Variants in HAUS1 observed in about 807,000 individuals in gnomAD.
The protein encoded by HAUS1 is HAUS augmin-like complex subunit 1.
HAUS1 carries 25 observed loss-of-function variants against 38.6 expected under a neutral mutation model. The observed-to-expected ratio is 0.65, with a 90% CI of 0.47 to 0.91. The LOEUF (loss-of-function observed/expected upper bound fraction) is 0.91. Among genes scored for constraint, HAUS1 ranks in the 40% least tolerant of loss-of-function variants. The probability of loss-of-function intolerance (pLI) is 0.00; values close to 1 mark genes in which losing one functional copy is unlikely to be tolerated. For synonymous variants in HAUS1, 109 were observed against 112.9 expected (o/e 0.97, Z 0.22); for missense variants, 325 against 328.4 (o/e 0.99, Z 0.08).
At position 46,128,196 on chromosome 18, in the gene HAUS1, C is replaced by G; in HGVS notation, c.*71C>G. 2.3e-6 allele frequency: 2 copies of G among 872,456 alleles called. No individual in the cohort carries two copies. Among genetic ancestry groups the G allele is most frequent in the Middle Eastern group, 3.7e-4 (1 of 2,734 alleles). 54.0% of individuals were successfully genotyped at this position (872,456 alleles called of 1,614,324 possible). ...AGGACTTTACAGAGTTCTTTTTCCT[C>G]TTGGCATTTCCTAATAACAAAACTT... On this transcript the variant is annotated 3_prime_UTR_variant, in exon 9 of 9. Transcript: ENST00000282058.
At chr18:46,117,121 A>G (rs1215170752) in intron 2 of HAUS1, among the ~76,000 whole-genome samples, 1 of 152,216 alleles carries the variant, frequency 6.6e-6, no homozygotes, top group Non-Finnish European at 1.5e-5. Context: ...TTGGAAAACA[A>G]TCTGACAGTT....
intron 8 of HAUS1, chr18:46,126,610 T>C (rs2144267775): frequency 6.7e-6 from 1 of 149,790 alleles, no homozygotes; most frequent in East Asian, 1.9e-4. Context: ...AAGAGAAATA[T>C]GATCAAAGCT....
intron 8 of HAUS1, chr18:46,126,904 A>G (rs1252185606): frequency 2.0e-5 from 3 of 151,668 alleles, no homozygotes; most frequent in Non-Finnish European, 4.4e-5. Context: ...GCATGATCTC[A>G]GATCACTGCA....
chr18:46,113,860 G>A (rs1258531984), intron 2 of HAUS1, among the ~76,000 whole-genome samples: 2 of 152,098 alleles, frequency 1.3e-5, no homozygotes, highest in Non-Finnish European at 2.9e-5. Flanking sequence ...TTTTAATGAA[G>A]TCTGTTTATC....
intron 2 of HAUS1, among the ~76,000 whole-genome samples, chr18:46,110,557 G>A (rs1394101646): frequency 6.6e-6 from 1 of 151,722 alleles, no homozygotes; most frequent in Non-Finnish European, 1.5e-5. Context: ...TCGCCAGGCT[G>A]GTCTTGAGCT....
At chr18:46,114,228 A>G (rs1375871872) in intron 2 of HAUS1, among the ~76,000 whole-genome samples, 1 of 152,064 alleles carries the variant, frequency 6.6e-6, no homozygotes, top group Non-Finnish European at 1.5e-5. Context: ...TTTGACCACA[A>G]CTTCTACTCT....
At chr18:46,122,698 A>T in intron 5 of HAUS1, 108 bp downstream of exon 5, 1 of 1,272,046 alleles carries the variant, frequency 7.9e-7, no homozygotes, top group Non-Finnish European at 1.1e-6. Context: ...AGGACTATAG[A>T]GAAGTTGGTA....
intron 1 of HAUS1, 25 bp downstream of exon 1, chr18:46,104,466 T>C (rs759462672): frequency 8.9e-6 from 13 of 1,460,638 alleles, no homozygotes; most frequent in South Asian, 4.1e-5. Context: ...ATGGGGATCG[T>C]TGGCCTCCTG....
chr18:46,123,286 T>G lies in HAUS1; in HGVS notation c.601-13T>G, dbSNP rs199705963. The G allele has an allele frequency of 1.0e-5, 16 of 1,586,034 alleles. No individual in the cohort carries two copies. The highest frequency in any genetic ancestry group is 1.4e-5 in the Non-Finnish European group (16 of 1,160,960). ...TAATTTTTTAACTGAACTCCTTTTTTTGGTAATTGTAGGAGCAACTTTCAG... is the reference window on the plus strand; with the variant it reads ...TAATTTTTTAACTGAACTCCTTTTTGTGGTAATTGTAGGAGCAACTTTCAG... On this transcript the variant is annotated splice_polypyrimidine_tract_variant and intron_variant, in intron 5 of 8. Transcript: ENST00000282058.
At chr18:46,114,345 A>C (rs1029763334) in intron 2 of HAUS1, among the ~76,000 whole-genome samples, 1 of 152,166 alleles carries the variant, frequency 6.6e-6, no homozygotes, top group African/African-American at 2.4e-5. Flanking sequence ...TGATTTTCCC[A>C]TGAGGCAAAA....
intron 2 of HAUS1, among the ~76,000 whole-genome samples, chr18:46,110,131 T>C (rs867252426): frequency 6.6e-5 from 10 of 150,744 alleles, no homozygotes; most frequent in Non-Finnish European, 1.3e-4. Flanking sequence ...GGTTTTTCTA[T>C]CTAGCAGACT....
intron 2 of HAUS1, among the ~76,000 whole-genome samples, chr18:46,109,485 G>T (rs1192941993): frequency 6.6e-6 from 1 of 152,084 alleles, no homozygotes; most frequent in Admixed American, 6.6e-5. Context: ...AGAATACATT[G>T]CATTATTTTG....
At chr18:46,107,354 C>A (rs1911506884) in intron 2 of HAUS1, among the ~76,000 whole-genome samples, 2 of 152,066 alleles carry the variant, frequency 1.3e-5, no homozygotes. Flanking sequence ...ATACTGTAAC[C>A]AAAAATCTAA....
chr18:46,125,282 G>A (rs1912069035), intron 7 of HAUS1, among the ~76,000 whole-genome samples: 1 of 151,538 alleles, frequency 6.6e-6, no homozygotes, highest in Admixed American at 6.6e-5. Context: ...TGGGCATGAT[G>A]GCTTATGCCT....
At chr18:46,113,010 T>TATA (rs1911705700) in intron 2 of HAUS1, among the ~76,000 whole-genome samples, 1 of 126,564 alleles carries the variant, frequency 7.9e-6, no homozygotes, top group African/African-American at 3.1e-5. Context: ...ATATATGGAA[T>TATA]ATATATATTC....
Position 46,118,226 on chromosome 18 carries a change from C to T in HAUS1, c.251C>T (p.Pro84Leu). Reference protein sequence around the residue: ...DLLMESVNFSPANLSSTGSRY... With the variant: ...DLLMESVNFSLANLSSTGSRY... ...CTCATGGAGAGTGTGAATTTTTCCCCCGCCAATCTCTCTAGCACTGGTTCC... is the reference window on the plus strand; with the variant it reads ...CTCATGGAGAGTGTGAATTTTTCCCTCGCCAATCTCTCTAGCACTGGTTCC... The change falls in exon 3 of 9, where the codon CCC (proline) becomes CTC (leucine). Residue 84 changes from proline to leucine, a missense_variant. Physicochemically the swap from Pro to Leu is moderately conservative, Grantham distance 98. Coordinates refer to ENST00000282058, the MANE Select transcript of HAUS1 (RefSeq NM_138443.4). 6.2e-7 allele frequency: 1 copy of T among 1,612,256 alleles called. No individual in the cohort carries two copies. The highest frequency in any genetic ancestry group is 8.5e-7 in the Non-Finnish European group (1 of 1,179,868).
intron 2 of HAUS1, among the ~76,000 whole-genome samples, chr18:46,114,015 A>G (rs1241564306): frequency 6.6e-6 from 1 of 152,170 alleles, no homozygotes; most frequent in Non-Finnish European, 1.5e-5. Flanking sequence ...AAATTCCACT[A>G]ATTTACAGCT....
At chr18:46,105,165 A>G in intron 1 of HAUS1, 29 bp from the exon 2 acceptor site, 1 of 1,533,728 alleles carries the variant, frequency 6.5e-7, no homozygotes, top group Non-Finnish European at 9.0e-7. Context: ...AACAAGGCTT[A>G]TAATATTTGT....
At chr18:46,106,117 C>T (rs1395266048) in intron 2 of HAUS1, among the ~76,000 whole-genome samples, 2 of 152,162 alleles carry the variant, frequency 1.3e-5, no homozygotes, top group Non-Finnish European at 2.9e-5. Flanking sequence ...CGAAATTACT[C>T]TATGACTACG....
Sources: gnomAD v4.1 joint callset for allele counts (sites outside exome capture counted in the v4.1 genomes callset) on GRCh38, gnomAD v4.1.1 for gene constraint, MANE v1.5 for transcripts, NCBI Gene and HGNC (gene_info 2026-07-23, HGNC 2026-07-21) for gene names.